Variants in UNC5D observed in about 807,000 individuals in gnomAD.
UNC5D encodes netrin receptor UNC5D.
Under a neutral mutation model 105.4 loss-of-function variants are expected in UNC5D, and 39 were observed. The observed-to-expected ratio is 0.37, with a 90% CI of 0.29 to 0.48. UNC5D has a LOEUF of 0.48. UNC5D is among the 20% of genes least tolerant of loss of function. UNC5D has a pLI of 0.98. For synonymous variants in UNC5D, 452 were observed against 450.4 expected (o/e 1.00, Z -0.04); for missense variants, 991 against 1,202.4 (o/e 0.82, Z 2.60).
At chr8:35,774,196 A>T in intron 15 of UNC5D, 103 bp from the exon 16 acceptor site, 1 of 1,309,962 alleles carries the variant, frequency 7.6e-7, no homozygotes, top group African/African-American at 1.5e-5. Context: ...ACAGGCAAGC[A>T]TTTTGTGCAT....
chr8:35,756,059 T>G (rs921545381), intron 13 of UNC5D, among the ~76,000 whole-genome samples: 3 of 152,200 alleles, frequency 2.0e-5, no homozygotes, highest in African/African-American at 7.2e-5. Flanking sequence ...GAGAGTATTT[T>G]AAAGCTCATA....
At chr8:35,473,224 G>C (rs1809861096) in intron 1 of UNC5D, among the ~76,000 whole-genome samples, 1 of 152,132 alleles carries the variant, frequency 6.6e-6, no homozygotes, top group South Asian at 2.1e-4. Context: ...AAGTCATCTG[G>C]GGATGTCCCA....
intron 1 of UNC5D, among the ~76,000 whole-genome samples, chr8:35,411,698 T>A (rs57666020): frequency 0.049 from 7,532 of 152,194 alleles, 216 homozygotes; most frequent in African/African-American, 0.073. Flanking sequence ...ATTTAAATCT[T>A]ATAAATAGCA....
chr8:35,410,852 A>G (rs146507406), intron 1 of UNC5D, among the ~76,000 whole-genome samples: 291 of 151,962 alleles, frequency 1.9e-3, no homozygotes, highest in African/African-American at 6.6e-3. Flanking sequence ...GTCTTTTCAC[A>G]TTTTTTCTCA....
At chr8:35,692,807 T>C (rs943877635) in intron 7 of UNC5D, among the ~76,000 whole-genome samples, 3 of 152,254 alleles carry the variant, frequency 2.0e-5, no homozygotes, top group African/African-American at 4.8e-5. Context: ...TTCTCCCAAG[T>C]ACTTTTAATT....
intron 1 of UNC5D, among the ~76,000 whole-genome samples, chr8:35,466,987 G>C (rs1424402721): frequency 6.6e-6 from 1 of 152,044 alleles, no homozygotes; most frequent in African/African-American, 2.4e-5. Flanking sequence ...ACTTTTTCTT[G>C]GAATAAAAAT....
chr8:35,645,574 G>T (rs1350833174), intron 4 of UNC5D, among the ~76,000 whole-genome samples: 2 of 150,852 alleles, frequency 1.3e-5, no homozygotes, highest in African/African-American at 2.4e-5. Flanking sequence ...CTTGTTTCTA[G>T]TACTCCAACC....
At chr8:35,560,506 G>A (rs1816883159) in intron 2 of UNC5D, among the ~76,000 whole-genome samples, 2 of 152,162 alleles carry the variant, frequency 1.3e-5, no homozygotes, top group Admixed American at 1.3e-4. Context: ...GTATTTGTAT[G>A]TATATCATTT....
At chr8:35,643,912 C>A (rs1822901070) in intron 4 of UNC5D, among the ~76,000 whole-genome samples, 1 of 152,078 alleles carries the variant, frequency 6.6e-6, no homozygotes. Context: ...CTGAGAGCTT[C>A]ATTATCCTCC....
chr8:35,321,056 C>A (rs1809704015), intron 1 of UNC5D, among the ~76,000 whole-genome samples: 1 of 152,148 alleles, frequency 6.6e-6, no homozygotes, highest in Admixed American at 6.6e-5. Flanking sequence ...TTGTAGCAAT[C>A]CTCAACCTTG....
chr8:35,446,444 G>A (rs1378250768), intron 1 of UNC5D, among the ~76,000 whole-genome samples: 2 of 151,544 alleles, frequency 1.3e-5, no homozygotes, highest in Admixed American at 6.6e-5. Context: ...AACCTCCATA[G>A]CATTTGTTTT....
In UNC5D at chr8:35,549,516, A is replaced by G. The variant is rs1346388908; in HGVS notation, c.322+6A>G. 9.9e-6 allele frequency: 16 copies of G among 1,609,718 alleles called. No homozygotes were observed. Among genetic ancestry groups the G allele is most frequent in the Non-Finnish European group, 1.4e-5 (16 of 1,178,764 alleles). ...GACTCTGGACGAGAGCTCAGGTAGG[A>G]GCGTGCAGCAGTCAGAAGCAGCTGT... On this transcript the variant is annotated splice_donor_region_variant and intron_variant, in intron 2 of 16. Coordinates refer to ENST00000404895, the MANE Select transcript of UNC5D (RefSeq NM_080872.4).
intron 1 of UNC5D, chr8:35,544,661 A>T: frequency 8.0e-7 from 1 of 1,257,102 alleles, no homozygotes; most frequent in South Asian, 1.6e-5. Context: ...GGAGTGCAAT[A>T]GTGTGATCAC....
chr8:35,549,547 C>G (rs1376148208), intron 2 of UNC5D, 37 bp downstream of exon 2: 1 of 1,580,456 alleles, frequency 6.3e-7, no homozygotes, highest in Non-Finnish European at 8.6e-7. Context: ...GCTGTGGTGA[C>G]TCTTTAGGTT....
chr8:35,559,191 A>G (rs1816781600), intron 2 of UNC5D, among the ~76,000 whole-genome samples: 1 of 152,198 alleles, frequency 6.6e-6, no homozygotes, highest in South Asian at 2.1e-4. Flanking sequence ...AAAGTGAAAC[A>G]TTGAACTGAA....
At chr8:35,481,018 G>C (rs1417433995) in intron 1 of UNC5D, among the ~76,000 whole-genome samples, 1 of 152,188 alleles carries the variant, frequency 6.6e-6, no homozygotes, top group Admixed American at 6.5e-5. Flanking sequence ...TGTGAACTGA[G>C]AACCTGAGAT....
chr8:35,757,923 C>T (rs1477349954), intron 13 of UNC5D, among the ~76,000 whole-genome samples: 2 of 152,194 alleles, frequency 1.3e-5, no homozygotes, highest in Non-Finnish European at 2.9e-5. Flanking sequence ...TTGCTAATCA[C>T]ATGTGGATAT....
At chr8:35,249,811 G>T (rs1803569526) in intron 1 of UNC5D, among the ~76,000 whole-genome samples, 1 of 152,016 alleles carries the variant, frequency 6.6e-6, no homozygotes, top group East Asian at 1.9e-4. Context: ...TGGAGATTAG[G>T]TGTCAAAATA....
intron 1 of UNC5D, chr8:35,525,052 C>T (rs957372246): frequency 2.4e-6 from 2 of 830,522 alleles, no homozygotes; most frequent in Non-Finnish European, 3.7e-6. Context: ...TTTGGAAATG[C>T]TGACCCTTTG....
Sources: gnomAD v4.1 joint callset for allele counts (sites outside exome capture counted in the v4.1 genomes callset) on GRCh38, gnomAD v4.1.1 for gene constraint, MANE v1.5 for transcripts, NCBI Gene and HGNC (gene_info 2026-07-23, HGNC 2026-07-21) for gene names.